UBAP2: variants seen among roughly 807,000 people sequenced by gnomAD.
The protein encoded by UBAP2 is ubiquitin-associated protein 2.
UBAP2 carries 75 observed loss-of-function variants against 139.6 expected under a neutral mutation model. That is an observed-to-expected ratio of 0.54 (90% CI 0.45 to 0.65). The LOEUF is 0.65. Among genes scored for constraint, UBAP2 ranks in the 30% least tolerant of loss-of-function variants. The pLI is 0.00. For missense variants in UBAP2, 1,368 were observed against 1,369.6 expected, an observed-to-expected ratio of 1.00 and a Z score of 0.02; for synonymous variants, 526 against 526.2, an observed-to-expected ratio of 1.00 and a Z score of 0.01.
intron 18 of UBAP2, among the ~76,000 whole-genome samples, chr9:33,933,127 C>T (rs923948251): frequency 1.3e-5 from 2 of 152,182 alleles, no homozygotes; most frequent in African/African-American, 2.4e-5. Context: ...AAGTCAGACA[C>T]CTGCTCAGAA....
intron 1 of UBAP2, among the ~76,000 whole-genome samples, chr9:34,024,208 G>A (rs759670238): frequency 6.6e-6 from 1 of 151,920 alleles, no homozygotes; most frequent in Non-Finnish European, 1.5e-5. Context: ...CGGGCGTGGG[G>A]GCACATGCCC....
chr9:33,961,344 G>A (rs1827031467), intron 9 of UBAP2, among the ~76,000 whole-genome samples: 1 of 152,124 alleles, frequency 6.6e-6, no homozygotes, highest in Non-Finnish European at 1.5e-5. Context: ...ATTTAGAGAA[G>A]CATCCTTTTA....
intron 18 of UBAP2, 56 bp downstream of exon 18, chr9:33,933,434 A>T (rs960327166): frequency 1.6e-5 from 26 of 1,588,682 alleles, no homozygotes; most frequent in Non-Finnish European, 2.1e-5. Context: ...CTTCTACAGG[A>T]GCTCCAGGAC....
At chr9:34,016,419 G>A (rs1017727417) in intron 2 of UBAP2, among the ~76,000 whole-genome samples, 8 of 151,140 alleles carry the variant, frequency 5.3e-5, no homozygotes, top group Non-Finnish European at 1.0e-4. Context: ...TGGTGGCAGT[G>A]GCAGCCTAAT....
At chr9:34,032,698 C>A (rs1825988027) in intron 1 of UBAP2, among the ~76,000 whole-genome samples, 2 of 151,928 alleles carry the variant, frequency 1.3e-5, no homozygotes, top group Admixed American at 6.6e-5. Flanking sequence ...CCGAGGCAGG[C>A]GGATCACTTG....
chr9:33,938,893 T>C (rs1824835731), intron 16 of UBAP2: 1 of 455,852 alleles, frequency 2.2e-6, no homozygotes, highest in Non-Finnish European at 4.4e-6. Context: ...CTCTAACTTA[T>C]TTCTGTCAAA....
chr9:34,013,852 GGGCGACAGAGCGA>G (rs1823992941), intron 2 of UBAP2, among the ~76,000 whole-genome samples: 1 of 151,860 alleles, frequency 6.6e-6, no homozygotes, highest in East Asian at 1.9e-4. Flanking sequence ...ACTCCAGCCT[GGGCGACAGAGCGA>G]GGCTCCATCT....
At position 33,968,373 on chromosome 9, in the gene UBAP2, A is replaced by G; in HGVS notation, c.679+3278T>C. The stretch of plus-strand genomic sequence containing the variant: ...CTTTGAGGTTCAACAATAACATCAT[A>G]AATTATTCCTCTGGTGATGAGGAAG... On this transcript the variant is annotated intron_variant, in intron 8 of 28. Transcript: ENST00000379238. 6 of 575,158 alleles carry G rather than the reference A, an allele frequency of 1.0e-5. No individual in the cohort carries two copies. In the Admixed American group the frequency reaches 1.1e-4, roughly 11 times the overall value. 35.6% of individuals were successfully genotyped at this position (575,158 alleles called of 1,614,324 possible). A position where few individuals can be genotyped will look rare whatever the true frequency, so the allele number is the denominator to read the frequency against.
intron 1 of UBAP2, among the ~76,000 whole-genome samples, chr9:34,040,106 C>T (rs1263958653): frequency 6.6e-6 from 1 of 151,508 alleles, no homozygotes; most frequent in African/African-American, 2.4e-5. Flanking sequence ...TTGCGTTGAG[C>T]CAAGATCACG....
intron 6 of UBAP2, among the ~76,000 whole-genome samples, chr9:33,974,883 T>TGA: frequency 7.5e-6 from 1 of 134,036 alleles, no homozygotes; most frequent in African/African-American, 2.8e-5. Flanking sequence ...GAGGCTACAG[T>TGA]TCCTAACTTG....
intron 2 of UBAP2, among the ~76,000 whole-genome samples, chr9:34,008,252 A>G (rs532342009): frequency 3.0e-4 from 46 of 151,284 alleles, no homozygotes; most frequent in African/African-American, 1.0e-3. Flanking sequence ...CAAGAGGCGA[A>G]GGTTGCGGTG....
At chr9:34,037,054 T>A (rs1433356087) in intron 1 of UBAP2, among the ~76,000 whole-genome samples, 2 of 141,502 alleles carry the variant, frequency 1.4e-5, no homozygotes, top group Non-Finnish European at 3.0e-5. Flanking sequence ...AGTGGCACAA[T>A]CTCGGCTCGC....
At chr9:34,027,474 T>C (rs1373825100) in intron 1 of UBAP2, among the ~76,000 whole-genome samples, 7 of 151,878 alleles carry the variant, frequency 4.6e-5, no homozygotes, top group Admixed American at 4.6e-4. Flanking sequence ...TCCAACAGTC[T>C]GGGAGGCCAA....
rs753516283 is a variant in UBAP2, at chr9:33,922,786, C to T, written c.3165G>A (p.Ala1055=). The T allele has an allele frequency of 8.6e-5, 134 of 1,560,394 alleles. No homozygotes were observed. The highest frequency in any genetic ancestry group is 8.7e-5 in the Non-Finnish European group (100 of 1,153,072). ...LGSTGPLASG[A]APGYAPPPFL... ...ATGGTGGGGGTGCATAGCCAGGGGC[C>T]GCTCCCGAGGCCAGGGGCCCAGTGG... is the stretch of plus-strand genomic sequence containing the variant. Residue 1055 remains alanine (A), a synonymous_variant, in exon 28 of 29, where the codon GCG becomes GCA. Transcript: ENST00000379238.
chr9:34,008,386 T>G (rs1823425168), intron 2 of UBAP2, among the ~76,000 whole-genome samples: 1 of 151,264 alleles, frequency 6.6e-6, no homozygotes, highest in African/African-American at 2.4e-5. Flanking sequence ...TCTACCACCT[T>G]CTGGTTCCCT....
intron 8 of UBAP2, among the ~76,000 whole-genome samples, chr9:33,966,293 C>T (rs1366580433): frequency 8.6e-6 from 1 of 116,266 alleles, no homozygotes; most frequent in African/African-American, 3.2e-5. Flanking sequence ...ACTAAAACTA[C>T]AAAAAAAAAA....
At chr9:33,938,981 T>C in intron 16 of UBAP2, 1 of 441,876 alleles carries the variant, frequency 2.3e-6, no homozygotes, top group South Asian at 1.6e-5. Flanking sequence ...GGGAGGATGA[T>C]CCATCCAAGA....
chr9:34,035,894 CTCTT>C (rs955366225), intron 1 of UBAP2, among the ~76,000 whole-genome samples: 5 of 79,242 alleles, frequency 6.3e-5, no homozygotes, highest in African/African-American at 1.4e-4. Context: ...TGCACATTCT[CTCTT>C]TTTTTTTTTG....
At chr9:33,971,022 C>T (rs1211005580) in intron 8 of UBAP2, among the ~76,000 whole-genome samples, 11 of 152,074 alleles carry the variant, frequency 7.2e-5, no homozygotes, top group Non-Finnish European at 1.3e-4. Flanking sequence ...AGGCTGGTCT[C>T]GAACTCCTGA....
Sources: gnomAD v4.1 joint callset for allele counts (sites outside exome capture counted in the v4.1 genomes callset) on GRCh38, gnomAD v4.1.1 for gene constraint, MANE v1.5 for transcripts, NCBI Gene and HGNC (gene_info 2026-07-23, HGNC 2026-07-21) for gene names.